Variants in SENP5 observed in about 807,000 individuals in gnomAD.
SENP5 encodes sentrin-specific protease 5.
A neutral mutation model predicts 74.2 loss-of-function variants in SENP5; 21 were observed. The ratio of observed to expected loss-of-function variants is 0.28; its 90% CI spans 0.20 to 0.41. SENP5 has a LOEUF of 0.41. Among genes scored for constraint, SENP5 ranks in the 10% least tolerant of loss-of-function variants. The pLI, the probability that SENP5 is intolerant of heterozygous loss-of-function variation, is 1.00. For missense variants in SENP5, 717 were observed against 889.1 expected (o/e 0.81, Z 2.46); for synonymous variants, 311 against 312.7 (o/e 0.99, Z 0.06).
intron 6 of SENP5, among the ~76,000 whole-genome samples, chr3:196,916,490 T>A (rs923608526): frequency 6.6e-6 from 1 of 151,952 alleles, no homozygotes; most frequent in Non-Finnish European, 1.5e-5. Flanking sequence ...GAGAAGGAAT[T>A]TAGAATCCTG....
chr3:196,882,820 A>T (rs969098130), intron 1 of SENP5, among the ~76,000 whole-genome samples: 1 of 152,170 alleles, frequency 6.6e-6, no homozygotes, highest in Non-Finnish European at 1.5e-5. Flanking sequence ...GTTGTTTTTA[A>T]TAATGACCAC....
At chr3:196,910,985 A>G (rs2108848326) in intron 6 of SENP5, among the ~76,000 whole-genome samples, 1 of 152,338 alleles carries the variant, frequency 6.6e-6, no homozygotes, top group Admixed American at 6.5e-5. Flanking sequence ...TCCCTATTTA[A>G]TAAATGATGC....
At chr3:196,921,294 A>G (rs1715611763) in intron 6 of SENP5, among the ~76,000 whole-genome samples, 1 of 152,158 alleles carries the variant, frequency 6.6e-6, no homozygotes, top group Non-Finnish European at 1.5e-5. Context: ...CAGAAAGTAA[A>G]AATGTCACTA....
intron 1 of SENP5, among the ~76,000 whole-genome samples, chr3:196,878,039 C>G (rs1713557737): frequency 6.6e-6 from 1 of 152,002 alleles, no homozygotes; most frequent in Non-Finnish European, 1.5e-5. Flanking sequence ...ACTTAAAAAC[C>G]CTCTAGATAA....
intron 6 of SENP5, among the ~76,000 whole-genome samples, chr3:196,916,564 G>A (rs1715386605): frequency 6.9e-6 from 1 of 145,728 alleles, no homozygotes; most frequent in African/African-American, 2.6e-5. Flanking sequence ...TTTCCCTCTT[G>A]TTGCCCAGGC....
At chr3:196,907,661 T>C (rs1714959963) in intron 6 of SENP5, among the ~76,000 whole-genome samples, 1 of 152,148 alleles carries the variant, frequency 6.6e-6, no homozygotes, top group Admixed American at 6.5e-5. Flanking sequence ...GTCCAATCTT[T>C]TGGCTTCCCT....
At chr3:196,926,063 C>T (rs1053930730) in intron 7 of SENP5, among the ~76,000 whole-genome samples, 1 of 151,600 alleles carries the variant, frequency 6.6e-6, no homozygotes, top group African/African-American at 2.4e-5. Flanking sequence ...TCCATGACAG[C>T]AGAGACTACA....
At chr3:196,914,157 G>A (rs1009579525) in intron 6 of SENP5, 7 of 152,180 alleles carry the variant, frequency 4.6e-5, no homozygotes, top group Non-Finnish European at 8.8e-5. Flanking sequence ...GAAAGAGCCA[G>A]ATAATAAATA....
At position 196,917,204 on chromosome 3, in the gene SENP5, A is replaced by G. The variant is rs538180645; in HGVS notation, c.1885-6210A>G. Among the ~76,000 whole-genome samples, 4 of 152,146 alleles carry G rather than the reference A, an allele frequency of 2.6e-5. 1 individual carries two copies. Among genetic ancestry groups the G allele is most frequent in the Middle Eastern group, 6.8e-3 (2 of 294 alleles). On this transcript the variant is annotated intron_variant, in intron 6 of 9. Coordinates refer to ENST00000323460, the MANE Select transcript of SENP5 (RefSeq NM_152699.5). ...GAAAAATTCAGTTGACAAACTAGAA[A>G]ATACATCAGAATCTCTCAACAGCAA...
At chr3:196,899,587 A>G in intron 2 of SENP5, 79 bp from the exon 3 acceptor site, 1 of 812,568 alleles carries the variant, frequency 1.2e-6, no homozygotes, top group Non-Finnish European at 2.2e-6. Context: ...TGCTGTGTAT[A>G]GGTTAAGTGT....
intron 1 of SENP5, among the ~76,000 whole-genome samples, chr3:196,872,256 CAT>C (rs1713248267): frequency 6.6e-6 from 1 of 152,190 alleles, no homozygotes; most frequent in Non-Finnish European, 1.5e-5. Context: ...TCAGTATGAA[CAT>C]ACAGCAGCAT....
At chr3:196,907,535 A>G (rs910774842) in intron 6 of SENP5, among the ~76,000 whole-genome samples, 2 of 152,078 alleles carry the variant, frequency 1.3e-5, no homozygotes, top group African/African-American at 4.8e-5. Flanking sequence ...GGCAAAAAAT[A>G]TACATTCATG....
rs969312330 is a variant in SENP5 at position 196,931,111 on chromosome 3, A to G, written c.*188A>G. On this transcript the variant is annotated 3_prime_UTR_variant, in exon 10 of 10. Coordinates refer to ENST00000323460, the MANE Select transcript of SENP5 (RefSeq NM_152699.5). ...TACCATGTACTATTGTTTAATGTTC[A>G]GTTTGGTTTCATTTTTAATTTTATG... is the stretch of plus-strand genomic sequence containing the variant. 1.8e-6 allele frequency: 1 copy of G among 559,154 alleles called. No individual in the cohort carries two copies. Among genetic ancestry groups the G allele is most frequent in the Non-Finnish European group, 3.2e-6 (1 of 313,236 alleles). The allele number at this position is 559,154 out of a possible 1,614,324, so 34.6% of individuals were successfully genotyped here.
intron 2 of SENP5, among the ~76,000 whole-genome samples, chr3:196,894,051 T>A (rs1714328690): frequency 6.6e-6 from 1 of 151,968 alleles, no homozygotes; most frequent in Non-Finnish European, 1.5e-5. Flanking sequence ...CTTAAAAGGT[T>A]GTTTCCACAT....
chr3:196,908,027 T>A (rs1232843473), intron 6 of SENP5, among the ~76,000 whole-genome samples: 1 of 152,156 alleles, frequency 6.6e-6, no homozygotes, highest in Non-Finnish European at 1.5e-5. Context: ...CTGAACACTT[T>A]GGGAGGCCTA....
At position 196,932,644 on chromosome 3, in the gene SENP5, G is replaced by A. The variant is rs575305557; in HGVS notation, c.*1721G>A. On this transcript the variant is annotated 3_prime_UTR_variant, in exon 10 of 10. Coordinates refer to ENST00000323460, the MANE Select transcript of SENP5 (RefSeq NM_152699.5). ...GCGTTAGGAAAAAATGACAGTTTAGGGTAAGGAAGATCTCATAATGAGTTT... is the reference window on the plus strand; with the variant it reads ...GCGTTAGGAAAAAATGACAGTTTAGAGTAAGGAAGATCTCATAATGAGTTT... 5.3e-5 allele frequency: 8 copies of A among 151,872 alleles called. No individual in the cohort carries two copies. The East Asian group carries it at 1.5e-3, about 29-fold the overall frequency. The allele number at this position is 151,872 out of a possible 1,614,324, so 9.4% of individuals were successfully genotyped here.
intron 2 of SENP5, among the ~76,000 whole-genome samples, chr3:196,892,764 A>G (rs976149291): frequency 2.6e-5 from 4 of 151,844 alleles, no homozygotes; most frequent in Non-Finnish European, 4.4e-5. Flanking sequence ...CTCTACGTCT[A>G]TGAGTTTGAC....
intron 2 of SENP5, among the ~76,000 whole-genome samples, chr3:196,889,913 A>G (rs1714133590): frequency 6.6e-6 from 1 of 152,146 alleles, no homozygotes; most frequent in South Asian, 2.1e-4. Flanking sequence ...TAGTTGGGGA[A>G]TCTCTCCCTG....
At chr3:196,873,512 T>G (rs1417965407) in intron 1 of SENP5, among the ~76,000 whole-genome samples, 1 of 152,142 alleles carries the variant, frequency 6.6e-6, no homozygotes, top group Non-Finnish European at 1.5e-5. Context: ...TGTATTTCAC[T>G]GTAGGTAAAT....
Sources: gnomAD v4.1 joint callset for allele counts (sites outside exome capture counted in the v4.1 genomes callset) on GRCh38, gnomAD v4.1.1 for gene constraint, MANE v1.5 for transcripts, NCBI Gene and HGNC (gene_info 2026-07-23, HGNC 2026-07-21) for gene names.